NAV2: variants seen among roughly 807,000 people sequenced by gnomAD.
NAV2 encodes neuron navigator 2.
A neutral mutation model predicts 223.2 loss-of-function variants in NAV2; 54 were observed. The ratio of observed to expected loss-of-function variants is 0.24; its 90% CI spans 0.19 to 0.30. The LOEUF (loss-of-function observed/expected upper bound fraction) is 0.30, where lower values mean the gene tolerates loss of function less well. Ranked by LOEUF, NAV2 falls within the 10% of genes least tolerant of loss-of-function variation. NAV2 has a pLI of 1.00. For missense variants in NAV2, 2,806 were observed against 3,147.5 expected (o/e 0.89, Z 2.60); for synonymous variants, 1,279 against 1,239.3 (o/e 1.03, Z -0.67).
At chr11:19,799,938 A>G (rs906475158) in intron 1 of NAV2, among the ~76,000 whole-genome samples, 1 of 152,164 alleles carries the variant, frequency 6.6e-6, no homozygotes, top group African/African-American at 2.4e-5. Flanking sequence ...CCTTTTCACA[A>G]GAGTAATTTG....
chr11:19,657,639 A>G (rs1192093289), intron 1 of NAV2, among the ~76,000 whole-genome samples: 3 of 152,202 alleles, frequency 2.0e-5, no homozygotes, highest in Non-Finnish European at 4.4e-5. Context: ...GATACCAGGC[A>G]GGGTAGACCA....
At chr11:19,690,244 G>A (rs2049132513) in intron 1 of NAV2, among the ~76,000 whole-genome samples, 1 of 152,190 alleles carries the variant, frequency 6.6e-6, no homozygotes, top group Non-Finnish European at 1.5e-5. Flanking sequence ...TTACAGGTGT[G>A]AGTCACTGCG....
At chr11:19,586,931 A>C (rs1236573079) in intron 1 of NAV2, among the ~76,000 whole-genome samples, 1 of 152,246 alleles carries the variant, frequency 6.6e-6, no homozygotes, top group Admixed American at 6.5e-5. Flanking sequence ...TTAAGTCTGC[A>C]GAGGTTTCTG....
rs1554919830 is a variant in NAV2, at chr11:19,397,396, AGTGT to A, written c.75+46389_75+46392del. On this transcript the variant is annotated intron_variant, in intron 1 of 37. Transcript: ENST00000360655. ...GTGTAGAGAATTGGATTCTCTGGGG[AGTGT>A]GTGTGTGTGTGTGTGTGTGCGCGCA... Among the ~76,000 whole-genome samples, 39 of 143,880 alleles carry A rather than the reference AGTGT, an allele frequency of 2.7e-4. 1 individual carries two copies. Among genetic ancestry groups the A allele is most frequent in the South Asian group, 9.2e-4 (4 of 4,336 alleles). 94.4% of individuals were successfully genotyped at this position (143,880 alleles called of 152,430 possible).
chr11:19,543,346 C>G (rs1206763140), intron 1 of NAV2, among the ~76,000 whole-genome samples: 1 of 152,162 alleles, frequency 6.6e-6, no homozygotes, highest in African/African-American at 2.4e-5. Flanking sequence ...GTTCCAGGAA[C>G]TAGGGCTTGA....
chr11:19,562,122 A>G (rs1299288951), intron 1 of NAV2, among the ~76,000 whole-genome samples: 2 of 152,218 alleles, frequency 1.3e-5, no homozygotes, highest in Non-Finnish European at 2.9e-5. Flanking sequence ...TTTTACAGAT[A>G]CCCTTATAAG....
At chr11:19,351,976 A>AGTGT (rs59544307) in intron 1 of NAV2, among the ~76,000 whole-genome samples, 22,108 of 145,564 alleles carry the variant, frequency 0.15, 1,843 homozygotes, top group African/African-American at 0.24. Flanking sequence ...TCTCTCTGTG[A>AGTGT]GTGTGTGTGT....
chr11:19,548,488 G>A (rs1005449140), intron 1 of NAV2, among the ~76,000 whole-genome samples: 3 of 152,100 alleles, frequency 2.0e-5, no homozygotes, highest in Non-Finnish European at 4.4e-5. Context: ...CTGGAAAGGG[G>A]GGAGTTTATG....
At chr11:20,079,834 C>T (rs2059978368) in intron 24 of NAV2, among the ~76,000 whole-genome samples, 1 of 152,212 alleles carries the variant, frequency 6.6e-6, no homozygotes, top group Non-Finnish European at 1.5e-5. Context: ...CCTCCCTTGA[C>T]TTCTGTTTTG....
chr11:19,408,878 G>A (rs867667020), intron 1 of NAV2, among the ~76,000 whole-genome samples: 12 of 151,970 alleles, frequency 7.9e-5, no homozygotes, highest in Non-Finnish European at 1.6e-4. Context: ...CCGAGAACTC[G>A]GGAGTCCCAC....
intron 1 of NAV2, among the ~76,000 whole-genome samples, chr11:19,581,018 A>T (rs1005268107): frequency 2.0e-5 from 3 of 152,208 alleles, no homozygotes; most frequent in African/African-American, 7.2e-5. Flanking sequence ...CTGATTACTA[A>T]CAAGGTGGAT....
intron 1 of NAV2, among the ~76,000 whole-genome samples, chr11:19,797,064 C>T (rs1288755359): frequency 6.6e-6 from 1 of 152,076 alleles, no homozygotes; most frequent in African/African-American, 2.4e-5. Context: ...GGGTCACTGG[C>T]CCCCCACACG....
chr11:20,024,706 A>G (rs2054878923), intron 11 of NAV2, among the ~76,000 whole-genome samples: 2 of 152,184 alleles, frequency 1.3e-5, no homozygotes, highest in African/African-American at 4.8e-5. Context: ...TGTTTTTGGG[A>G]GATAGCCGCC....
upstream of NAV2, among the ~76,000 whole-genome samples, chr11:19,347,090 A>AG (rs1423508438): frequency 6.6e-6 from 1 of 152,180 alleles, no homozygotes; most frequent in East Asian, 1.9e-4. Context: ...CACTGGAGAG[A>AG]GGGACAGGAG....
rs1047202931 is a variant in NAV2 at position 19,616,110 on chromosome 11, GT to G, written c.76-216364del. On this transcript the variant is annotated intron_variant, in intron 1 of 37. Transcript: ENST00000360655. The stretch of plus-strand genomic sequence containing the variant: ...AGCACACAGTGGAAACATTCACGGG[GT>G]TTTTTTTTTCTTTCCTTTTTTCCAA... 1.3e-4 allele frequency among the ~76,000 whole-genome samples: 19 copies of G among 149,414 alleles called. No homozygotes were observed. The East Asian group carries it at 1.4e-3, about 11-fold the overall frequency.
chr11:19,786,675 G>A (rs532226758), intron 1 of NAV2, among the ~76,000 whole-genome samples: 16 of 152,316 alleles, frequency 1.1e-4, no homozygotes, highest in African/African-American at 2.9e-4. Context: ...TACTGATGGA[G>A]CTTTCTTTGG....
rs146694089 is a variant in NAV2, at chr11:19,785,098, A to T, written c.268-47386A>T. On this transcript the variant is annotated intron_variant, in intron 1 of 37. Transcript: ENST00000349880. ...CTCACACAGTGTTTAAATGTTACCG[A>T]TCGGGTAGGTGACTTCATGCTGGGG... Among the ~76,000 whole-genome samples the T allele has an allele frequency of 1.2e-3, 180 of 152,290 alleles. 1 individual carries two copies. The highest frequency in any genetic ancestry group is 4.2e-3 in the African/African-American group (175 of 41,566).
chr11:20,012,739 T>C (rs2625299), intron 11 of NAV2, among the ~76,000 whole-genome samples: 151,278 of 151,452 alleles, frequency 1, 75,554 homozygotes, highest in Middle Eastern at 1. Flanking sequence ...TCAATACACT[T>C]TTAATACTCA....
intron 10 of NAV2, among the ~76,000 whole-genome samples, chr11:19,983,224 G>T (rs2050454335): frequency 6.6e-6 from 1 of 152,136 alleles, no homozygotes. Context: ...AGCTGCCTTG[G>T]ACTGAGCTAC....
Sources: allele counts gnomAD v4.1 joint callset (sites outside exome capture counted in the v4.1 genomes callset), GRCh38; gene constraint gnomAD v4.1.1; transcripts MANE v1.5; gene names NCBI Gene and HGNC (gene_info 2026-07-23, HGNC 2026-07-21).